Variants in CEP85L observed in about 807,000 individuals in gnomAD.
CEP85L encodes the protein centrosomal protein of 85 kDa-like.
CEP85L carries 60 observed loss-of-function variants against 100.3 expected under a neutral mutation model. The observed-to-expected ratio is 0.60, with a 90% confidence interval of 0.49 to 0.74. CEP85L has a LOEUF of 0.74. Among genes scored for constraint, CEP85L ranks in the 30% least tolerant of loss-of-function variants. The pLI, the probability that CEP85L is intolerant of heterozygous loss-of-function variation, is 0.00. For synonymous variants in CEP85L, 319 were observed against 322.7 expected (o/e 0.99, Z 0.12); for missense variants, 973 against 936.2 (o/e 1.04, Z -0.51).
At chr6:118,660,498 A>G (rs1343941758) in intron 1 of CEP85L, among the ~76,000 whole-genome samples, 6 of 152,248 alleles carry the variant, frequency 3.9e-5, no homozygotes, top group Non-Finnish European at 8.8e-5. Flanking sequence ...CTAGTAACCC[A>G]TACTCCTACT....
At chr6:118,593,263 ACT>A (rs1380989329) in intron 2 of CEP85L, among the ~76,000 whole-genome samples, 5 of 151,994 alleles carry the variant, frequency 3.3e-5, no homozygotes, top group Admixed American at 1.3e-4. Flanking sequence ...TAGATGTATG[ACT>A]CTGTGAATAT....
At chr6:118,539,792 G>C (rs1463795129) in intron 3 of CEP85L, among the ~76,000 whole-genome samples, 1 of 152,136 alleles carries the variant, frequency 6.6e-6, no homozygotes, top group Non-Finnish European at 1.5e-5. Context: ...ATCTTGAGGG[G>C]AGAGGGAGCA....
At chr6:118,598,171 C>T (rs1781549524) in intron 2 of CEP85L, among the ~76,000 whole-genome samples, 1 of 152,182 alleles carries the variant, frequency 6.6e-6, no homozygotes, top group African/African-American at 2.4e-5. Flanking sequence ...ATTCTTCCCT[C>T]AAAAAGTTAA....
intron 1 of CEP85L, 65 bp from the exon 2 acceptor site, chr6:118,632,676 CT>C (rs1774242562): frequency 7.2e-7 from 1 of 1,385,050 alleles, no homozygotes; most frequent in African/African-American, 1.4e-5. Flanking sequence ...TTTTTTTTAC[CT>C]TGTGGAAAAT....
At position 118,481,907 on chromosome 6, in the gene CEP85L, C is replaced by T; in HGVS notation, c.1617G>A (p.Lys539=). The T allele has an allele frequency of 6.4e-7, 1 of 1,562,568 alleles. No individual in the cohort carries two copies. The highest frequency in any genetic ancestry group is 1.9e-5 in the Admixed American group (1 of 53,268). ...LQLQILEEKN[K]NLQEALIDTE... ...TATCTATCAAAGCCTCTTGTAAATTCTTATTTTTTTCTTCCAGAATCTGCA... is the reference window on the plus strand; with the variant it reads ...TATCTATCAAAGCCTCTTGTAAATTTTTATTTTTTTCTTCCAGAATCTGCA... Residue 539 remains lysine (K), a synonymous_variant, in exon 8 of 13, where the codon AAG becomes AAA. Coordinates refer to ENST00000368491, the MANE Select transcript of CEP85L (RefSeq NM_001042475.3).
At chr6:118,522,178 T>C (rs1056392014) in intron 4 of CEP85L, among the ~76,000 whole-genome samples, 4 of 151,930 alleles carry the variant, frequency 2.6e-5, no homozygotes, top group African/African-American at 4.8e-5. Flanking sequence ...CTGACCAACA[T>C]AGAGAAACCC....
chr6:118,664,268 G>A (rs1190439367), intron 1 of CEP85L: 3 of 152,194 alleles, frequency 2.0e-5, no homozygotes, highest in African/African-American at 7.2e-5. Context: ...TGAATCTGCA[G>A]ATGTGAAACC....
intron 1 of CEP85L, among the ~76,000 whole-genome samples, chr6:118,646,430 A>G (rs1775195496): frequency 6.6e-6 from 1 of 152,106 alleles, no homozygotes; most frequent in African/African-American, 2.4e-5. Flanking sequence ...GCACTCTCGG[A>G]GGCCAAGGCA....
At chr6:118,516,204 G>A (rs1037040334) in intron 4 of CEP85L, among the ~76,000 whole-genome samples, 6 of 152,074 alleles carry the variant, frequency 3.9e-5, no homozygotes, top group Non-Finnish European at 5.9e-5. Context: ...ATAGTGCTGC[G>A]ATAAACATAC....
At chr6:118,670,418 C>A (rs573612232) in intron 1 of CEP85L, among the ~76,000 whole-genome samples, 16 of 151,990 alleles carry the variant, frequency 1.1e-4, no homozygotes, top group Admixed American at 9.8e-4. Context: ...TGTCTGTTTT[C>A]TCTTCTTTGT....
rs371610026 is a variant in CEP85L at position 118,469,119 on chromosome 6, C to G, written c.2207G>C (p.Arg736Pro). ...AAGATTAGGCTCCTTGCCCTGAGCA[C>G]GCTGATTAAGAATACTACACAATGC... ...LKALCSILNQRAQGKEPNLSL... is the reference protein window; with the variant it reads ...LKALCSILNQPAQGKEPNLSL... The change falls in exon 12 of 13, where the codon CGT (arginine) becomes CCT (proline). Residue 736 changes from arginine to proline, a missense_variant. Coordinates refer to ENST00000368491, the MANE Select transcript of CEP85L (RefSeq NM_001042475.3). 6.2e-7 allele frequency: 1 copy of G among 1,613,904 alleles called. No individual in the cohort carries two copies. Among genetic ancestry groups the G allele is most frequent in the South Asian group, 1.1e-5 (1 of 91,076 alleles).
chr6:118,507,865 GCACTT>G (rs1249431826), intron 5 of CEP85L, among the ~76,000 whole-genome samples: 8 of 152,094 alleles, frequency 5.3e-5, no homozygotes, highest in Non-Finnish European at 1.2e-4. Context: ...GGTTCCCACA[GCACTT>G]CATACATAAA....
intron 2 of CEP85L, among the ~76,000 whole-genome samples, chr6:118,566,656 T>A (rs556710870): frequency 2.2e-4 from 33 of 152,254 alleles, no homozygotes; most frequent in Non-Finnish European, 4.1e-4. Context: ...TGACTTAAGG[T>A]GATCTGCCTG....
At chr6:118,582,437 G>GA (rs2115081653) in intron 2 of CEP85L, among the ~76,000 whole-genome samples, 2 of 152,264 alleles carry the variant, frequency 1.3e-5, no homozygotes, top group East Asian at 3.9e-4. Flanking sequence ...ACAGGCAGCA[G>GA]AAAAATATGG....
At chr6:118,495,740 G>A (rs947807590) in intron 5 of CEP85L, among the ~76,000 whole-genome samples, 1 of 152,160 alleles carries the variant, frequency 6.6e-6, no homozygotes, top group Non-Finnish European at 1.5e-5. Flanking sequence ...AGACGCTGCA[G>A]TTCAAAAGGT....
rs1356776629 is a variant in CEP85L at position 118,589,292 on chromosome 6, T to A, written c.233-22976A>T. ...CCTCCCAACTTTCATGTACAATAAA[T>A]GGGCTGCAGAATTCCAGGGGAATGA... On this transcript the variant is annotated intron_variant, in intron 2 of 12. Transcript: ENST00000368491. 3.0e-5 allele frequency: 7 copies of A among 235,518 alleles called. No homozygotes were observed. The South Asian group carries it at 4.7e-4, about 16-fold the overall frequency. The allele number at this position is 235,518 out of a possible 1,614,324, so 14.6% of individuals were successfully genotyped here. A position where few individuals can be genotyped will look rare whatever the true frequency, so the allele number is the denominator to read the frequency against.
At chr6:118,666,625 C>G (rs989806418) in intron 1 of CEP85L, among the ~76,000 whole-genome samples, 7 of 152,168 alleles carry the variant, frequency 4.6e-5, no homozygotes, top group African/African-American at 1.7e-4. Context: ...ATGGAAAGGT[C>G]AGGATTAGAG....
chr6:118,695,457 CT>C (rs1006545418), intron 1 of CEP85L, among the ~76,000 whole-genome samples: 3 of 152,128 alleles, frequency 2.0e-5, no homozygotes, highest in Non-Finnish European at 2.9e-5. Context: ...TGCACCAATA[CT>C]TTTTTAGAGG....
At chr6:118,692,749 G>A (rs1262363941) in intron 1 of CEP85L, among the ~76,000 whole-genome samples, 4 of 62,654 alleles carry the variant, frequency 6.4e-5, no homozygotes, top group South Asian at 4.9e-4. Flanking sequence ...CTAGTTAAGG[G>A]CAGAAGAAAC....
Sources: allele counts gnomAD v4.1 joint callset (sites outside exome capture counted in the v4.1 genomes callset), GRCh38; gene constraint gnomAD v4.1.1; transcripts MANE v1.5; gene names NCBI Gene and HGNC (gene_info 2026-07-23, HGNC 2026-07-21).